The following PARD3 variants were observed in gnomAD, a reference collection of about 807,000 sequenced individuals.
PARD3 encodes the protein partitioning defective 3 homolog.
A neutral mutation model predicts 155.4 loss-of-function variants in PARD3; 75 were observed. The ratio of observed to expected loss-of-function variants is 0.48; its 90% confidence interval spans 0.40 to 0.58. The LOEUF is 0.58. PARD3 is among the 20% of genes least tolerant of loss of function. The probability of loss-of-function intolerance (pLI) is 0.00; values close to 1 mark genes in which losing one functional copy is unlikely to be tolerated. For missense variants in PARD3, 1,642 were observed against 1,721.7 expected, an observed-to-expected ratio of 0.95 and a Z score of 0.82; for synonymous variants, 576 against 610.5, an observed-to-expected ratio of 0.94 and a Z score of 0.83.
At chr10:34,190,850 G>A (rs1950674938) in intron 22 of PARD3, among the ~76,000 whole-genome samples, 1 of 152,064 alleles carries the variant, frequency 6.6e-6, no homozygotes, top group Non-Finnish European at 1.5e-5. Context: ...CGGTGGGGAG[G>A]AGCAGAGAAA....
At chr10:34,542,219 G>GTA (rs2083668558) in intron 2 of PARD3, among the ~76,000 whole-genome samples, 12 of 4,648 alleles carry the variant, frequency 2.6e-3, no homozygotes, top group Non-Finnish European at 0.024. Context: ...GTGTGTGTGT[G>GTA]TGTGTGTGTG....
chr10:34,580,735 A>G (rs2134250083), intron 2 of PARD3, among the ~76,000 whole-genome samples: 1 of 152,368 alleles, frequency 6.6e-6, no homozygotes, highest in Non-Finnish European at 1.5e-5. Context: ...TTGGTCACGT[A>G]AAGATTTCCA....
chr10:34,393,622 C>T (rs995098847), intron 7 of PARD3, among the ~76,000 whole-genome samples: 11 of 151,498 alleles, frequency 7.3e-5, no homozygotes, highest in African/African-American at 2.2e-4. Flanking sequence ...CAGGTACAGC[C>T]GCTCACACCT....
At chr10:34,539,389 C>A (rs549890522) in intron 2 of PARD3, among the ~76,000 whole-genome samples, 1 of 152,200 alleles carries the variant, frequency 6.6e-6, no homozygotes, top group African/African-American at 2.4e-5. Flanking sequence ...TAAAACTCAG[C>A]CAGGCGCAGT....
intron 2 of PARD3, among the ~76,000 whole-genome samples, chr10:34,605,724 C>T (rs1192029720): frequency 7.7e-5 from 1 of 12,918 alleles, no homozygotes; most frequent in Non-Finnish European, 1.7e-4. Context: ...TATATATCTC[C>T]TATATATATA....
intron 2 of PARD3, among the ~76,000 whole-genome samples, chr10:34,676,748 A>G (rs2093715397): frequency 6.6e-6 from 1 of 152,216 alleles, no homozygotes; most frequent in South Asian, 2.1e-4. Flanking sequence ...TAATGACAAT[A>G]CAAGGCACTC....
chr10:34,636,777 C>T (rs1264750789), intron 2 of PARD3, among the ~76,000 whole-genome samples: 1 of 152,204 alleles, frequency 6.6e-6, no homozygotes, highest in Non-Finnish European at 1.5e-5. Flanking sequence ...ACAGGAAAGA[C>T]CCGATGCCGT....
chr10:34,230,040 C>A (rs2254808), intron 22 of PARD3, among the ~76,000 whole-genome samples: 23 of 152,148 alleles, frequency 1.5e-4, no homozygotes, highest in Non-Finnish European at 2.5e-4. Context: ...CAATGAGGTG[C>A]GACAGAAAAG....
In PARD3 at chr10:34,254,366, A is replaced by G. The variant is rs567876642; in HGVS notation, c.3419+15291T>C. Among the ~76,000 whole-genome samples, 107 of 150,274 alleles carry G rather than the reference A, an allele frequency of 7.1e-4. 1 individual carries two copies. Among genetic ancestry groups the G allele is most frequent in the Non-Finnish European group, 1.1e-3 (75 of 67,742 alleles). Reference sequence around the variant, plus strand: ...TGCACTCCAGCCTGGGCGACAGAGCAAGACTCTGTCTCAAAAACAAAAACA... The same window carrying G: ...TGCACTCCAGCCTGGGCGACAGAGCGAGACTCTGTCTCAAAAACAAAAACA... On this transcript the variant is annotated intron_variant, in intron 22 of 24. Coordinates refer to ENST00000374788, the MANE Select transcript of PARD3 (RefSeq NM_001184785.2).
At chr10:34,533,761 G>A (rs768930655) in intron 2 of PARD3, among the ~76,000 whole-genome samples, 26 of 151,616 alleles carry the variant, frequency 1.7e-4, no homozygotes, top group Non-Finnish European at 2.9e-4. Flanking sequence ...AGCCAAGATC[G>A]CACCACTGCA....
chr10:34,203,595 C>T (rs1459840215), intron 22 of PARD3, among the ~76,000 whole-genome samples: 1 of 152,142 alleles, frequency 6.6e-6, no homozygotes, highest in African/African-American at 2.4e-5. Context: ...AATGCAAATG[C>T]TATGTAAATA....
chr10:34,687,293 G>A (rs1421917932), intron 2 of PARD3, among the ~76,000 whole-genome samples: 2 of 152,128 alleles, frequency 1.3e-5, no homozygotes, highest in Non-Finnish European at 2.9e-5. Context: ...GGGGGCTGGG[G>A]AAGGATGGAA....
chr10:34,253,564 T>C (rs145540146), intron 22 of PARD3, among the ~76,000 whole-genome samples: 8 of 152,308 alleles, frequency 5.3e-5, no homozygotes, highest in Admixed American at 5.2e-4. Context: ...CTTCATGGCC[T>C]GGCTCTCCCT....
intron 1 of PARD3, among the ~76,000 whole-genome samples, chr10:34,708,684 A>G (rs1293852215): frequency 1.3e-5 from 2 of 152,310 alleles, no homozygotes; most frequent in East Asian, 1.9e-4. Flanking sequence ...GAAATTTTTC[A>G]AGAGAAAACG....
intron 7 of PARD3, among the ~76,000 whole-genome samples, chr10:34,394,708 A>G (rs922834162): frequency 1.3e-5 from 2 of 152,188 alleles, no homozygotes. Flanking sequence ...TATACTTAAC[A>G]TTATATCATA....
At chr10:34,353,209 G>A (rs1010341503) in intron 14 of PARD3, among the ~76,000 whole-genome samples, 7 of 152,212 alleles carry the variant, frequency 4.6e-5, no homozygotes, top group Middle Eastern at 3.2e-3. Context: ...CACCCCGTCC[G>A]GGAGGTGGAC....
rs751171147 is a variant in PARD3, at chr10:34,131,486, T to C, written c.3517A>G (p.Thr1173Ala). 6.2e-7 allele frequency: 1 copy of C among 1,614,108 alleles called. No individual in the cohort carries two copies. Among genetic ancestry groups the C allele is most frequent in the Non-Finnish European group, 8.5e-7 (1 of 1,179,978 alleles). ...ACCCAGGGTTGCTCAAAACTATAGGTCCGCCGACGATCTTCTACATCTTCA... is the reference window on the plus strand; with the variant it reads ...ACCCAGGGTTGCTCAAAACTATAGGCCCGCCGACGATCTTCTACATCTTCA... ...QDEDVEDRRRTYSFEQPWPNA... is the reference protein window; with the variant it reads ...QDEDVEDRRRAYSFEQPWPNA... Residue 1173 changes from threonine (T) to alanine (A), a missense_variant, in exon 23 of 25, where the codon ACC (threonine) becomes GCC (alanine). Coordinates refer to ENST00000374788, the MANE Select transcript of PARD3 (RefSeq NM_001184785.2).
At chr10:34,400,445 G>C (rs1260794789) in intron 6 of PARD3, among the ~76,000 whole-genome samples, 1 of 152,220 alleles carries the variant, frequency 6.6e-6, no homozygotes, top group Non-Finnish European at 1.5e-5. Flanking sequence ...ATTTAAATGA[G>C]ATTTTTCTTT....
chr10:34,299,560 C>T (rs1269141245), intron 20 of PARD3, among the ~76,000 whole-genome samples: 2 of 152,152 alleles, frequency 1.3e-5, no homozygotes, highest in Non-Finnish European at 2.9e-5. Flanking sequence ...TTTTATGACT[C>T]AGAGAATGTC....
Sources: gnomAD v4.1 joint callset for allele counts (sites outside exome capture counted in the v4.1 genomes callset) on GRCh38, gnomAD v4.1.1 for gene constraint, MANE v1.5 for transcripts, NCBI Gene and HGNC (gene_info 2026-07-23, HGNC 2026-07-21) for gene names.